UBAC2: variants seen among roughly 807,000 people sequenced by gnomAD.
UBAC2 encodes ubiquitin-associated domain-containing protein 2.
In UBAC2, 26 loss-of-function variants were observed where a neutral mutation model predicts 44.0. The ratio of observed to expected loss-of-function variants is 0.59; its 90% CI spans 0.43 to 0.82. The LOEUF (loss-of-function observed/expected upper bound fraction) is 0.82. Among genes scored for constraint, UBAC2 ranks in the 40% least tolerant of loss-of-function variants. UBAC2 has a pLI of 0.00. For synonymous variants in UBAC2, 155 were observed against 154.3 expected (o/e 1.00, Z -0.04); for missense variants, 329 against 419.4 (o/e 0.78, Z 1.88).
chr13:99,273,819 C>G (rs1453036463), intron 4 of UBAC2, among the ~76,000 whole-genome samples: 1 of 149,972 alleles, frequency 6.7e-6, no homozygotes, highest in Non-Finnish European at 1.5e-5. Flanking sequence ...TCTGGAAATC[C>G]TATTACCTAG....
intron 7 of UBAC2, among the ~76,000 whole-genome samples, chr13:99,346,696 G>C (rs1304576971): frequency 1.3e-5 from 2 of 151,934 alleles, no homozygotes; most frequent in Admixed American, 6.6e-5. Context: ...CGCCTCCTCA[G>C]GGAGGCCTTC....
chr13:99,336,109 G>T (rs1168568795), intron 6 of UBAC2, among the ~76,000 whole-genome samples: 1 of 152,134 alleles, frequency 6.6e-6, no homozygotes, highest in African/African-American at 2.4e-5. Flanking sequence ...AACAAGTGAG[G>T]ATAAACATCT....
At chr13:99,289,301 A>G (rs895034359) in intron 4 of UBAC2, among the ~76,000 whole-genome samples, 2 of 152,244 alleles carry the variant, frequency 1.3e-5, no homozygotes, top group African/African-American at 4.8e-5. Context: ...AGGCGGTGTG[A>G]TTTGGATGTA....
At chr13:99,276,246 A>C (rs1490720077) in intron 4 of UBAC2, among the ~76,000 whole-genome samples, 1 of 152,192 alleles carries the variant, frequency 6.6e-6, no homozygotes, top group Non-Finnish European at 1.5e-5. Context: ...ACCTGGAGTT[A>C]GTATCAGATC....
chr13:99,255,069 T>C, intron 4 of UBAC2: 2 of 1,613,920 alleles, frequency 1.2e-6, no homozygotes, highest in South Asian at 1.1e-5. Flanking sequence ...TGGTAAAGGC[T>C]CCCCAGGGAT....
At chr13:99,281,240 A>G (rs1381318733) in intron 4 of UBAC2, among the ~76,000 whole-genome samples, 1 of 152,074 alleles carries the variant, frequency 6.6e-6, no homozygotes, top group Non-Finnish European at 1.5e-5. Context: ...ACAACAAAAA[A>G]GTATAAAAGT....
Position 99,218,409 on chromosome 13 carries a change from C to T in UBAC2, c.31+17470C>T, listed in dbSNP as rs116817284. ...TTTAAATTTTACAGCTCACTCTTTCCTCCCCTCTAATTCACACTGTTTAAG... is the reference window on the plus strand; with the variant it reads ...TTTAAATTTTACAGCTCACTCTTTCTTCCCCTCTAATTCACACTGTTTAAG... On this transcript the variant is annotated intron_variant, in intron 1 of 8. Transcript: ENST00000403766. 2.9e-3 allele frequency among the ~76,000 whole-genome samples: 442 copies of T among 152,162 alleles called. 2 individuals carry two copies. The highest frequency in any genetic ancestry group is 0.01 in the African/African-American group (428 of 41,502).
intron 8 of UBAC2, among the ~76,000 whole-genome samples, chr13:99,380,481 C>T (rs1456340922): frequency 1.3e-5 from 2 of 152,156 alleles, no homozygotes; most frequent in African/African-American, 4.8e-5. Flanking sequence ...GTTTTTGCTC[C>T]AGTTCTTACT....
At chr13:99,308,506 A>G (rs1264165174) in intron 4 of UBAC2, among the ~76,000 whole-genome samples, 2 of 152,226 alleles carry the variant, frequency 1.3e-5, no homozygotes, top group Non-Finnish European at 2.9e-5. Context: ...AGTTGTGATT[A>G]TTTTGAAAAA....
At chr13:99,372,242 G>T (rs918052654) in intron 8 of UBAC2, 29 of 152,212 alleles carry the variant, frequency 1.9e-4, no homozygotes, top group African/African-American at 6.8e-4. Flanking sequence ...GACGTGCGGG[G>T]AGGAAGATCA....
chr13:99,330,814 T>C (rs2044706940), intron 6 of UBAC2, among the ~76,000 whole-genome samples: 1 of 152,218 alleles, frequency 6.6e-6, no homozygotes. Flanking sequence ...TCACATTCAC[T>C]TTTAGTTTGT....
chr13:99,244,477 A>G, intron 3 of UBAC2, 38 bp from the exon 4 acceptor site: 4,084 of 991,534 alleles, frequency 4.1e-3, no homozygotes, highest in Non-Finnish European at 5.9e-3. Context: ...TTTTTAGGAG[A>G]CTCATCTCTA....
At chr13:99,289,189 T>C (rs147851224) in intron 4 of UBAC2, among the ~76,000 whole-genome samples, 3 of 152,316 alleles carry the variant, frequency 2.0e-5, no homozygotes, top group Admixed American at 6.5e-5. Flanking sequence ...TCTTCCTTTG[T>C]TGTAAGATCT....
chr13:99,355,103 C>T (rs1246309342), intron 7 of UBAC2, among the ~76,000 whole-genome samples: 1 of 152,182 alleles, frequency 6.6e-6, no homozygotes, highest in African/African-American at 2.4e-5. Context: ...GAGGGGAAAC[C>T]TTGAGTAATC....
At chr13:99,281,227 G>C (rs1303364949) in intron 4 of UBAC2, among the ~76,000 whole-genome samples, 1 of 150,142 alleles carries the variant, frequency 6.7e-6, no homozygotes, top group Non-Finnish European at 1.5e-5. Flanking sequence ...AAAAACAACA[G>C]CAACAACAAA....
intron 5 of UBAC2, among the ~76,000 whole-genome samples, chr13:99,314,549 A>G (rs2044462148): frequency 6.6e-6 from 1 of 152,236 alleles, no homozygotes; most frequent in Non-Finnish European, 1.5e-5. Flanking sequence ...AAATGAGAAC[A>G]ATCAAAAAGT....
At chr13:99,327,854 A>C (rs1214247793) in intron 6 of UBAC2, among the ~76,000 whole-genome samples, 1 of 152,044 alleles carries the variant, frequency 6.6e-6, no homozygotes, top group African/African-American at 2.4e-5. Context: ...TTTGTTTATT[A>C]AGATGTTATT....
intron 1 of UBAC2, among the ~76,000 whole-genome samples, chr13:99,214,313 C>G (rs185154484): frequency 3.3e-5 from 5 of 151,504 alleles, no homozygotes; most frequent in Non-Finnish European, 7.4e-5. Context: ...CTTGCTTGGC[C>G]GTTCTTGTGC....
intron 4 of UBAC2, among the ~76,000 whole-genome samples, chr13:99,282,249 G>A (rs753622319): frequency 1.1e-4 from 16 of 152,150 alleles, no homozygotes; most frequent in Non-Finnish European, 1.6e-4. Flanking sequence ...ACCCATGATG[G>A]AGAGTCATGA....
Sources: gnomAD v4.1 joint callset for allele counts (sites outside exome capture counted in the v4.1 genomes callset) on GRCh38, gnomAD v4.1.1 for gene constraint, MANE v1.5 for transcripts, NCBI Gene and HGNC (gene_info 2026-07-23, HGNC 2026-07-21) for gene names.